ATAD2B: variants seen among roughly 807,000 people sequenced by gnomAD.
ATAD2B encodes the protein ATPase family AAA domain-containing protein 2B.
In ATAD2B, 40 loss-of-function variants were observed where a neutral mutation model predicts 167.6. The observed-to-expected ratio is 0.24, with a 90% CI of 0.19 to 0.31. The LOEUF is 0.31. ATAD2B is among the 10% of genes least tolerant of loss of function. The pLI is 1.00. For synonymous variants in ATAD2B, 579 were observed against 596.5 expected (o/e 0.97, Z 0.43); for missense variants, 1,242 against 1,757.2 (o/e 0.71, Z 5.24).
At chr2:23,709,098 T>C in the ATAD2B span, among the ~76,000 whole-genome samples, 1 of 152,100 alleles carries the variant, frequency 6.6e-6, no homozygotes, top group African/African-American at 2.4e-5. Context: ...TGGAGTGCAA[T>C]GGCGCGATCT....
At chr2:23,717,665 G>A in the ATAD2B span, among the ~76,000 whole-genome samples, 17 of 152,088 alleles carry the variant, frequency 1.1e-4, no homozygotes, top group African/African-American at 3.1e-4. Flanking sequence ...CAAAAGGATC[G>A]AGAGGAAATA....
At chr2:23,857,372 T>C (rs1693588364) in intron 13 of ATAD2B, 43 bp downstream of exon 13, 2 of 1,108,990 alleles carry the variant, frequency 1.8e-6, no homozygotes, top group African/African-American at 3.3e-5. Flanking sequence ...ACCAAGTCAA[T>C]GCGTAAAAAA....
At chr2:23,678,198 C>A in the ATAD2B span, among the ~76,000 whole-genome samples, 2 of 152,226 alleles carry the variant, frequency 1.3e-5, no homozygotes, top group Admixed American at 1.3e-4. Flanking sequence ...TGGCTTCACT[C>A]TCCTCTAGGC....
chr2:23,904,933 T>G (rs1163250370), intron 1 of ATAD2B, among the ~76,000 whole-genome samples: 1 of 152,190 alleles, frequency 6.6e-6, no homozygotes, highest in African/African-American at 2.4e-5. Context: ...CCAACACTAT[T>G]CTACAAAGTC....
At chr2:23,726,597 A>G in the ATAD2B span, among the ~76,000 whole-genome samples, 3 of 152,192 alleles carry the variant, frequency 2.0e-5, no homozygotes, top group African/African-American at 4.8e-5. Flanking sequence ...ACTCCACATA[A>G]TAAGTGGAAC....
At chr2:23,877,857 AAAAAAAAGAAAAAG>A (rs1697150063) in intron 7 of ATAD2B, among the ~76,000 whole-genome samples, 2 of 150,298 alleles carry the variant, frequency 1.3e-5, no homozygotes. Flanking sequence ...GACTATCTCA[AAAAAAAAGAAAAAG>A]AAAAAAAGAA....
At chr2:23,760,699 TACACACACACACACACAC>T (rs1238984150) in intron 24 of ATAD2B, among the ~76,000 whole-genome samples, 1 of 123,640 alleles carries the variant, frequency 8.1e-6, no homozygotes, top group Non-Finnish European at 1.7e-5. Flanking sequence ...TTTATATATA[TACACACACACACACACAC>T]ACACACACAC....
At chr2:23,836,026 A>C (rs1454981442) in intron 13 of ATAD2B, among the ~76,000 whole-genome samples, 2 of 151,664 alleles carry the variant, frequency 1.3e-5, no homozygotes, top group Admixed American at 6.6e-5. Flanking sequence ...TGTGGCTGGT[A>C]GTGCCTCTGC....
chr2:23,681,736 G>A, the ATAD2B span, among the ~76,000 whole-genome samples: 3 of 152,172 alleles, frequency 2.0e-5, no homozygotes, highest in African/African-American at 7.2e-5. The surrounding 1 kb of genome is among the most constrained non-coding windows in gnomAD (Gnocchi z 4.2). Flanking sequence ...CAGGATCCAG[G>A]TCTTCAGAAT....
intron 22 of ATAD2B, among the ~76,000 whole-genome samples, chr2:23,768,046 T>G (rs1290991706): frequency 1.3e-5 from 2 of 152,218 alleles, no homozygotes; most frequent in Non-Finnish European, 2.9e-5. Flanking sequence ...CATGAATATG[T>G]GTCTCAACAA....
chr2:23,695,751 A>G, the ATAD2B span: 3 of 1,551,426 alleles, frequency 1.9e-6, no homozygotes, highest in East Asian at 2.4e-5. This position sits in a 1 kb window ranked among gnomAD's most constrained non-coding sequence, Gnocchi z 7.6. Context: ...ACGAGGCCAA[A>G]CGCTACCATA....
intron 22 of ATAD2B, among the ~76,000 whole-genome samples, chr2:23,772,521 G>T (rs1290778866): frequency 1.3e-5 from 2 of 151,996 alleles, no homozygotes; most frequent in Non-Finnish European, 2.9e-5. Context: ...AAATCTAAAG[G>T]TATGGATCTG....
chr2:23,747,271 A>G (rs151276855), downstream of ATAD2B, among the ~76,000 whole-genome samples: 1 of 151,804 alleles, frequency 6.6e-6, no homozygotes, highest in Admixed American at 6.6e-5. Flanking sequence ...AAACATAGCT[A>G]ATTTCTGAAG....
chr2:23,853,975 G>A (rs902082403), intron 13 of ATAD2B, among the ~76,000 whole-genome samples: 2 of 152,214 alleles, frequency 1.3e-5, no homozygotes, highest in African/African-American at 4.8e-5. Flanking sequence ...GCTGGGCATG[G>A]TGGCTCATGC....
At chr2:23,798,423 G>C in intron 18 of ATAD2B, 100 bp from the exon 19 acceptor site, 1 of 915,632 alleles carries the variant, frequency 1.1e-6, no homozygotes, top group Non-Finnish European at 1.6e-6. Context: ...GCCTATTATG[G>C]TCATTAGTTT....
the ATAD2B span, among the ~76,000 whole-genome samples, chr2:23,722,426 A>T: frequency 1.3e-5 from 2 of 152,222 alleles, no homozygotes; most frequent in Non-Finnish European, 2.9e-5. Flanking sequence ...GAAATCCTGG[A>T]GCTGAAGATT....
chr2:23,718,122 T>C, the ATAD2B span, among the ~76,000 whole-genome samples: 17 of 152,180 alleles, frequency 1.1e-4, no homozygotes, highest in South Asian at 2.1e-4. Flanking sequence ...AAACAATTAT[T>C]AATGGGCTCC....
chr2:23,816,345 T>C lies in ATAD2B; in HGVS notation c.2267+3402A>G, dbSNP rs117391754. Among the ~76,000 whole-genome samples the C allele has an allele frequency of 7.2e-5, 11 of 152,312 alleles. No homozygotes were observed. The East Asian group carries it at 2.1e-3, about 29-fold the overall frequency. On this transcript the variant is annotated intron_variant, in intron 17 of 27. Transcript: ENST00000238789. ...CAGATAGTGGTGTAAAGATGTATAC[T>C]TAGAAACAAGTCTATTGTTCATAAA...
intron 20 of ATAD2B, among the ~76,000 whole-genome samples, chr2:23,786,971 T>C (rs1372485915): frequency 6.6e-6 from 1 of 151,906 alleles, no homozygotes; most frequent in East Asian, 1.9e-4. Context: ...AATTCTGATT[T>C]TAGGCAGGTC....
Sources: allele counts gnomAD v4.1 joint callset (sites outside exome capture counted in the v4.1 genomes callset), GRCh38; gene constraint gnomAD v4.1.1; non-coding constraint Gnocchi (gnomAD v3.1); transcripts MANE v1.5; gene names NCBI Gene and HGNC (gene_info 2026-07-23, HGNC 2026-07-21).